LEKR1: variants seen among roughly 807,000 people sequenced by gnomAD.
LEKR1 encodes protein LEKR1.
In LEKR1, 59 loss-of-function variants were observed where a neutral mutation model predicts 72.4. The observed-to-expected ratio is 0.82, with a 90% CI of 0.66 to 1.01. The LOEUF is 1.01. Ranked by LOEUF, LEKR1 falls within the 50% of genes least tolerant of loss-of-function variation. LEKR1 has a pLI of 0.00. For synonymous variants in LEKR1, 257 were observed against 263.2 expected, an observed-to-expected ratio of 0.98 and a Z score of 0.23; for missense variants, 728 against 759.2, an observed-to-expected ratio of 0.96 and a Z score of 0.48.
intron 3 of LEKR1, 117 bp from the exon 4 acceptor site, chr3:156,920,458 A>G (rs1724087120): frequency 1.5e-6 from 1 of 651,000 alleles, no homozygotes; most frequent in Non-Finnish European, 2.5e-6. Flanking sequence ...TATAGCATAT[A>G]TAAGAGACAT....
chr3:156,873,540 C>A (rs945336202), intron 3 of LEKR1, among the ~76,000 whole-genome samples: 46 of 151,866 alleles, frequency 3.0e-4, no homozygotes, highest in African/African-American at 1.1e-3. Flanking sequence ...CTGTAATAAT[C>A]TTTGAGTTTG....
At chr3:156,921,475 A>G (rs1724191424) in intron 4 of LEKR1, among the ~76,000 whole-genome samples, 1 of 152,132 alleles carries the variant, frequency 6.6e-6, no homozygotes, top group African/African-American at 2.4e-5. Flanking sequence ...TTGAACATCT[A>G]CCTTTTACAA....
intron 12 of LEKR1, among the ~76,000 whole-genome samples, chr3:157,031,671 C>G (rs1294501405): frequency 6.6e-6 from 1 of 152,094 alleles, no homozygotes; most frequent in Non-Finnish European, 1.5e-5. Flanking sequence ...CTTGAAATTT[C>G]TCAGATTCTG....
intron 5 of LEKR1, among the ~76,000 whole-genome samples, chr3:156,941,516 A>G (rs1726202201): frequency 6.6e-6 from 1 of 152,038 alleles, no homozygotes; most frequent in East Asian, 1.9e-4. Context: ...ACTGGCCCAC[A>G]TGGTTGCTGT....
At chr3:157,004,363 A>G (rs760299762) in intron 9 of LEKR1, among the ~76,000 whole-genome samples, 10 of 152,200 alleles carry the variant, frequency 6.6e-5, no homozygotes, top group Non-Finnish European at 1.5e-4. Context: ...AAGTAGGCAA[A>G]TTCACAATTA....
chr3:156,946,496 AG>A (rs1726688984), intron 6 of LEKR1, among the ~76,000 whole-genome samples: 1 of 151,500 alleles, frequency 6.6e-6, no homozygotes, highest in African/African-American at 2.4e-5. Flanking sequence ...TGGTGGTGAA[AG>A]TGGGCATCCT....
chr3:156,889,898 C>T (rs1478904281), intron 3 of LEKR1, among the ~76,000 whole-genome samples: 1 of 152,216 alleles, frequency 6.6e-6, no homozygotes, highest in African/African-American at 2.4e-5. Context: ...GATAGTCCAA[C>T]TACATAACGT....
At chr3:156,992,969 A>T in intron 8 of LEKR1, 105 bp from the exon 9 acceptor site, 1 of 600,054 alleles carries the variant, frequency 1.7e-6, no homozygotes, top group Non-Finnish European at 2.7e-6. Flanking sequence ...TTTTAAAGTT[A>T]CAGTTATAAT....
chr3:156,848,790 G>T (rs1714948693), intron 2 of LEKR1, among the ~76,000 whole-genome samples: 1 of 152,142 alleles, frequency 6.6e-6, no homozygotes, highest in African/African-American at 2.4e-5. Context: ...GATCAACTTT[G>T]CAAAAGACAT....
At chr3:156,956,093 C>T (rs908353941) in intron 6 of LEKR1, among the ~76,000 whole-genome samples, 10 of 151,864 alleles carry the variant, frequency 6.6e-5, no homozygotes, top group African/African-American at 2.2e-4. Context: ...ATTAGATATT[C>T]AGAATATCTA....
rs752278414 is a variant in LEKR1, at chr3:156,993,177, G to T, written c.1009G>T (p.Asp337Tyr). The T allele has an allele frequency of 1.2e-6, 2 of 1,611,672 alleles. No individual in the cohort carries two copies. The highest frequency in any genetic ancestry group is 1.7e-6 in the Non-Finnish European group (2 of 1,178,368). ...GACTGTGAAAGAAAAGCAAGAAGAA[G>T]ACATAAAGAGAAGAATTAACCTTGC... ...ELTVKEKQEE[D>Y]IKRRINLAEN... Residue 337 changes from aspartate (D) to tyrosine (Y), a missense_variant, in exon 9 of 13, where the codon GAC becomes TAC. Asp to Tyr is a radical substitution (Grantham distance 160). Coordinates refer to ENST00000356539, the MANE Select transcript of LEKR1 (RefSeq NM_001004316.3).
At position 157,009,244 on chromosome 3, in the gene LEKR1, C is replaced by T. The variant is rs1002942192; in HGVS notation, c.1110-2169C>T. ...AATAATTTATTTAACTCAAACTATC[C>T]AAAACATTATTTAAATATGTAATTG... On this transcript the variant is annotated intron_variant, in intron 9 of 12. Transcript: ENST00000356539. Among the ~76,000 whole-genome samples, 3 of 151,912 alleles carry T rather than the reference C, an allele frequency of 2.0e-5. 1 individual carries two copies. In the South Asian group the frequency reaches 6.2e-4, roughly 32 times the overall value.
intron 10 of LEKR1, among the ~76,000 whole-genome samples, chr3:157,020,607 C>CTCA (rs1011586351): frequency 2.6e-5 from 4 of 151,430 alleles, no homozygotes; most frequent in African/African-American, 9.7e-5. Flanking sequence ...AGGACATGAA[C>CTCA]TCATCATTTT....
In LEKR1 at chr3:157,045,550, T is replaced by G. The variant is rs764316350; in HGVS notation, c.1879T>G (p.Ser627Ala). Residue 627 changes from serine (S) to alanine (A), a missense_variant, in exon 13 of 13, where the codon TCT (serine) becomes GCT (alanine). Ser to Ala is a moderately conservative substitution (Grantham distance 99). Coordinates refer to ENST00000356539, the MANE Select transcript of LEKR1 (RefSeq NM_001004316.3). ...AGAGAGAAGCCTTGCAAGACTGAAC[T>G]CTGAAAAAGGAATCCAAATTCCCAA... Reference protein sequence around the residue: ...HGERSLARLNSEKGIQIPNLR... With the variant: ...HGERSLARLNAEKGIQIPNLR... 2.2e-5 allele frequency: 35 copies of G among 1,613,962 alleles called. No homozygotes were observed. The South Asian group carries it at 3.8e-4, about 18-fold the overall frequency.
chr3:157,030,378 G>A (rs975629018), intron 12 of LEKR1, among the ~76,000 whole-genome samples: 5 of 152,132 alleles, frequency 3.3e-5, no homozygotes, highest in African/African-American at 1.2e-4. Flanking sequence ...TGGGTGCCAG[G>A]CACGTGTTAG....
At chr3:156,880,134 T>C (rs1576725579) in intron 3 of LEKR1, among the ~76,000 whole-genome samples, 2 of 152,152 alleles carry the variant, frequency 1.3e-5, no homozygotes, top group Non-Finnish European at 2.9e-5. Flanking sequence ...ACTGTGCACT[T>C]GAAAAGGCTG....
At chr3:156,830,001 A>G (rs1207498016) in intron 2 of LEKR1, among the ~76,000 whole-genome samples, 1 of 152,234 alleles carries the variant, frequency 6.6e-6, no homozygotes, top group African/African-American at 2.4e-5. Flanking sequence ...GCACAAATCT[A>G]TTATAAAAAG....
intron 9 of LEKR1, among the ~76,000 whole-genome samples, chr3:157,011,098 T>C (rs2108022713): frequency 6.6e-6 from 1 of 152,268 alleles, no homozygotes; most frequent in South Asian, 2.1e-4. Context: ...ATTTTATTTT[T>C]TGCACACATG....
At position 156,940,510 on chromosome 3, in the gene LEKR1, C is replaced by A. The variant is rs746464910; in HGVS notation, c.560-2019C>A. Among the ~76,000 whole-genome samples, 3 of 152,114 alleles carry A rather than the reference C, an allele frequency of 2.0e-5. No individual in the cohort carries two copies. In the East Asian group the frequency reaches 5.8e-4, roughly 29 times the overall value. The stretch of plus-strand genomic sequence containing the variant: ...GGATCTTAATTTCTGAACCCCAAAT[C>A]GGGACACATGTCTTACAAGTATGGA... On this transcript the variant is annotated intron_variant, in intron 5 of 12. Transcript: ENST00000356539.
Sources: allele counts gnomAD v4.1 joint callset (sites outside exome capture counted in the v4.1 genomes callset), GRCh38; gene constraint gnomAD v4.1.1; transcripts MANE v1.5; gene names NCBI Gene and HGNC (gene_info 2026-07-23, HGNC 2026-07-21).